Variants in TDRD10 observed in about 807,000 individuals in gnomAD.
TDRD10 encodes tudor domain containing 10, also known as tudor domain-containing protein 10.
Under a neutral mutation model 48.0 loss-of-function variants are expected in TDRD10, and 40 were observed. That is an observed-to-expected ratio of 0.83 (90% CI 0.65 to 1.09). The LOEUF is 1.09. Ranked by LOEUF, TDRD10 falls within the 50% of genes least tolerant of loss-of-function variation. TDRD10 has a pLI of 0.00. For missense variants in TDRD10, 378 were observed against 434.7 expected, an observed-to-expected ratio of 0.87 and a Z score of 1.16; for synonymous variants, 162 against 170.4, an observed-to-expected ratio of 0.95 and a Z score of 0.38.
chr1:154,541,500 G>A (rs1462803007), intron 6 of TDRD10, among the ~76,000 whole-genome samples: 1 of 152,058 alleles, frequency 6.6e-6, no homozygotes, highest in Non-Finnish European at 1.5e-5. Context: ...TGGGAAGGGG[G>A]ATAGATACTT....
intron 4 of TDRD10, among the ~76,000 whole-genome samples, chr1:154,513,047 T>G (rs981840577): frequency 1.3e-5 from 2 of 152,182 alleles, no homozygotes; most frequent in Admixed American, 6.6e-5. Context: ...TGCTGAGTGA[T>G]AGGCATATAG....
intron 4 of TDRD10, among the ~76,000 whole-genome samples, chr1:154,519,403 C>CAAAAT (rs943527599): frequency 2.0e-4 from 31 of 152,132 alleles, no homozygotes; most frequent in Admixed American, 2.0e-3. Flanking sequence ...TAGGGTTTTC[C>CAAAAT]AGAGAAAAAT....
intron 6 of TDRD10, among the ~76,000 whole-genome samples, chr1:154,531,399 C>T (rs1403035108): frequency 6.6e-6 from 1 of 152,142 alleles, no homozygotes; most frequent in African/African-American, 2.4e-5. Context: ...GGCAGCATGT[C>T]CAGAGTTTGT....
At chr1:154,542,699 G>T in intron 7 of TDRD10, 32 bp from the exon 8 acceptor site, 1 of 1,585,232 alleles carries the variant, frequency 6.3e-7, no homozygotes, top group South Asian at 1.1e-5. Flanking sequence ...GGTAGTTCTG[G>T]TGCCTCCAGG....
In TDRD10 at chr1:154,542,030, G is replaced by A. The variant is rs529455606; in HGVS notation, c.376G>A (p.Glu126Lys). The A allele has an allele frequency of 6.2e-7, 1 of 1,613,818 alleles. No individual in the cohort carries two copies. Among genetic ancestry groups the A allele is most frequent in the South Asian group, 1.1e-5 (1 of 90,968 alleles). ...IQQPRAPLVL[E>K]KASGEGFGKT... ...CTTTCATTTTTCTTCCCAGGTGTTG[G>A]AGAAGGCTTCTGGTGAAGGATTTGG... The change falls in exon 7 of 13, where the codon GAG (glutamate) becomes AAG (lysine). Residue 126 changes from glutamate (E) to lysine (K), a missense_variant. This residue lies in a region of TDRD10 where 310 missense variants were observed against 323.6 expected (regional missense o/e 0.96). Coordinates refer to ENST00000368482, the MANE Select transcript of TDRD10 (RefSeq NM_182499.4).
At chr1:154,540,732 T>G (rs1228564559) in intron 6 of TDRD10, among the ~76,000 whole-genome samples, 1 of 152,114 alleles carries the variant, frequency 6.6e-6, no homozygotes, top group Non-Finnish European at 1.5e-5. Context: ...CCGTGGTACA[T>G]TGTTGATACC....
At chr1:154,529,081 ATGT>A (rs752065596) in intron 6 of TDRD10, among the ~76,000 whole-genome samples, 4 of 151,890 alleles carry the variant, frequency 2.6e-5, no homozygotes, top group Admixed American at 6.6e-5. Flanking sequence ...AAGAATTATA[ATGT>A]TGTTTTTTTT....
At chr1:154,528,841 A>G (rs896188171) in intron 6 of TDRD10, among the ~76,000 whole-genome samples, 2 of 152,090 alleles carry the variant, frequency 1.3e-5, no homozygotes, top group Admixed American at 1.3e-4. Context: ...ATAAAGATAA[A>G]TAGAATTCCA....
chr1:154,538,024 G>T (rs777240818), intron 6 of TDRD10, among the ~76,000 whole-genome samples: 14 of 152,196 alleles, frequency 9.2e-5, no homozygotes, highest in Non-Finnish European at 1.8e-4. Flanking sequence ...TCGGAAATTG[G>T]AGGTCTGTGT....
At chr1:154,518,792 G>A (rs989741101) in intron 4 of TDRD10, among the ~76,000 whole-genome samples, 6 of 152,190 alleles carry the variant, frequency 3.9e-5, no homozygotes, top group African/African-American at 1.2e-4. Flanking sequence ...TAAACAATGA[G>A]TGAATGGATG....
chr1:154,533,709 C>T (rs960527037), intron 6 of TDRD10, among the ~76,000 whole-genome samples: 14 of 151,824 alleles, frequency 9.2e-5, no homozygotes, highest in Non-Finnish European at 4.4e-5. Flanking sequence ...GTGATCTGAA[C>T]TTACTGCAGC....
At chr1:154,508,387 T>G (rs1693267291) in intron 3 of TDRD10, 36 bp from the exon 4 acceptor site, 1 of 1,443,200 alleles carries the variant, frequency 6.9e-7, no homozygotes, top group Non-Finnish European at 9.8e-7. Flanking sequence ...TCTAACCGTA[T>G]GTATGCCTGC....
rs776418056 is a variant in TDRD10 at position 154,544,565 on chromosome 1, A to G, written c.797+48A>G. The stretch of plus-strand genomic sequence containing the variant: ...AGTCTATGGGAGAGGCGTGCAGGGA[A>G]AATGCTCCCTTCTTGCATTCTCTTC... On this transcript the variant is annotated intron_variant, in intron 10 of 12. Coordinates refer to ENST00000368482, the MANE Select transcript of TDRD10 (RefSeq NM_182499.4). 12 of 1,584,762 alleles carry G rather than the reference A, an allele frequency of 7.6e-6. No individual in the cohort carries two copies. In the East Asian group the frequency reaches 2.7e-4, roughly 36 times the overall value.
chr1:154,503,844 C>A (rs1193914118), intron 1 of TDRD10, among the ~76,000 whole-genome samples: 1 of 152,082 alleles, frequency 6.6e-6, no homozygotes, highest in African/African-American at 2.4e-5. Flanking sequence ...CTTGAAAATG[C>A]GTAGTGACAT....
At chr1:154,524,583 C>T (rs745816698) in intron 6 of TDRD10, among the ~76,000 whole-genome samples, 7 of 152,172 alleles carry the variant, frequency 4.6e-5, no homozygotes, top group African/African-American at 7.2e-5. Flanking sequence ...AAATTACTAG[C>T]AGATCTTTTA....
chr1:154,521,052 T>G (rs1694027978), intron 5 of TDRD10, among the ~76,000 whole-genome samples: 1 of 152,204 alleles, frequency 6.6e-6, no homozygotes, highest in Non-Finnish European at 1.5e-5. Context: ...TTTGAACTTT[T>G]GGGGCAGTAG....
chr1:154,531,718 G>T (rs1230872423), intron 6 of TDRD10, among the ~76,000 whole-genome samples: 1 of 152,198 alleles, frequency 6.6e-6, no homozygotes, highest in Non-Finnish European at 1.5e-5. Flanking sequence ...CGAGTGGGTT[G>T]CCACTGCTGG....
intron 4 of TDRD10, among the ~76,000 whole-genome samples, chr1:154,518,516 C>CT (rs1340846148): frequency 6.6e-6 from 1 of 152,126 alleles, no homozygotes; most frequent in Admixed American, 6.5e-5. Context: ...CAAGCTCCAC[C>CT]TCCCGGGTTC....
At chr1:154,515,586 G>A (rs1303342192) in intron 4 of TDRD10, among the ~76,000 whole-genome samples, 2 of 152,166 alleles carry the variant, frequency 1.3e-5, no homozygotes, top group African/African-American at 4.8e-5. Flanking sequence ...GCTCTGCTTC[G>A]GAGGTGGCCT....
Sources: allele counts gnomAD v4.1 joint callset (sites outside exome capture counted in the v4.1 genomes callset), GRCh38; gene constraint gnomAD v4.1.1; regional missense constraint gnomAD v4.1.1; transcripts MANE v1.5; gene names NCBI Gene and HGNC (gene_info 2026-07-23, HGNC 2026-07-21).